LAMA3: variants seen among roughly 807,000 people sequenced by gnomAD.
LAMA3 encodes laminin subunit alpha-3.
Under a neutral mutation model 402.0 loss-of-function variants are expected in LAMA3, and 281 were observed. The observed-to-expected ratio is 0.70, with a 90% CI of 0.63 to 0.77. LAMA3 has a LOEUF of 0.77. Among genes scored for constraint, LAMA3 ranks in the 30% least tolerant of loss-of-function variants. The probability of loss-of-function intolerance (pLI) is 0.00; values close to 1 mark genes in which losing one functional copy is unlikely to be tolerated. For synonymous variants in LAMA3, 1,431 were observed against 1,558.4 expected (o/e 0.92, Z 1.93); for missense variants, 3,840 against 4,215.5 (o/e 0.91, Z 2.47).
chr18:23,739,629 G>A (rs2061530623), intron 2 of LAMA3, among the ~76,000 whole-genome samples: 1 of 152,190 alleles, frequency 6.6e-6, no homozygotes, highest in Non-Finnish European at 1.5e-5. Context: ...GAACCATTAT[G>A]AGTGCAGACC....
chr18:23,932,661 T>G (rs1222829780), intron 66 of LAMA3: 2 of 253,322 alleles, frequency 7.9e-6, no homozygotes, highest in Admixed American at 4.9e-5. Flanking sequence ...CATGGACCAG[T>G]GCTGTGCTAG....
At chr18:23,700,377 T>C (rs1008196416) in intron 1 of LAMA3, among the ~76,000 whole-genome samples, 1 of 152,154 alleles carries the variant, frequency 6.6e-6, no homozygotes, top group East Asian at 1.9e-4. Flanking sequence ...GAGGATTGCA[T>C]GGAAACCGTT....
rs1269777917 is a variant in LAMA3, at chr18:23,873,064, G to A, written c.4998+1403G>A. The A allele has an allele frequency of 1.5e-5, 24 of 1,614,088 alleles. No individual in the cohort carries two copies. Among genetic ancestry groups the A allele is most frequent in the East Asian group, 4.5e-5 (2 of 44,894 alleles). On this transcript the variant is annotated intron_variant, in intron 38 of 74. Coordinates refer to ENST00000313654, the MANE Select transcript of LAMA3 (RefSeq NM_198129.4). ...ACCGGGATGCCTCCAGCAGTGAGGC[G>A]GTCAGCCTGCAGCATGGGATGGCTG...
chr18:23,868,802 G>C (rs1020549079), intron 37 of LAMA3, among the ~76,000 whole-genome samples: 2 of 152,144 alleles, frequency 1.3e-5, no homozygotes, highest in African/African-American at 2.4e-5. Context: ...ATAAAGGAAA[G>C]CTCATCAGAT....
intron 2 of LAMA3, among the ~76,000 whole-genome samples, chr18:23,728,990 C>T (rs1320448338): frequency 4.8e-5 from 7 of 144,582 alleles, no homozygotes; most frequent in East Asian, 2.0e-4. Flanking sequence ...GAGATCGTAC[C>T]GCTGTACTCC....
chr18:23,857,729 C>A (rs2064116686), intron 32 of LAMA3, 115 bp from the exon 33 acceptor site: 2 of 1,276,828 alleles, frequency 1.6e-6, no homozygotes, highest in East Asian at 4.6e-5. Flanking sequence ...TATAAGCAGG[C>A]ATTGTATCTA....
chr18:23,873,249 G>A (rs749672092), intron 38 of LAMA3: 6 of 1,563,060 alleles, frequency 3.8e-6, no homozygotes, highest in Non-Finnish European at 2.6e-6. Flanking sequence ...TTGTGATAGG[G>A]AAGAGTTTCC....
intron 12 of LAMA3, among the ~76,000 whole-genome samples, chr18:23,794,007 T>C (rs1049021229): frequency 6.6e-6 from 1 of 152,216 alleles, no homozygotes; most frequent in African/African-American, 2.4e-5. Context: ...GTTGCAAAGA[T>C]ACAGATGAAG....
At position 23,689,676 on chromosome 18, in the gene LAMA3, G is replaced by A. The variant is rs929899546; in HGVS notation, c.-8G>A. The A allele has an allele frequency of 8.7e-5, 114 of 1,311,630 alleles. No homozygotes were observed. Among genetic ancestry groups the A allele is most frequent in the Non-Finnish European group, 1.1e-4 (111 of 1,036,652 alleles). 81.2% of individuals were successfully genotyped at this position (1,311,630 alleles called of 1,614,324 possible). ...GACGGCTCAGGCGGGAGGACCCCGC[G>A]CGGCTGGATGGCGGCGGCCGCGCGG... On this transcript the variant is annotated 5_prime_UTR_variant, in exon 1 of 75. Transcript: ENST00000313654.
intron 70 of LAMA3, among the ~76,000 whole-genome samples, chr18:23,949,115 C>T (rs2082814862): frequency 6.6e-6 from 1 of 152,136 alleles, no homozygotes; most frequent in Non-Finnish European, 1.5e-5. Flanking sequence ...GAGAGGAGTC[C>T]CCTGTTCCAG....
rs963147681 is a variant in LAMA3 at position 23,722,440 on chromosome 18, G to A, written c.447+8368G>A. ...GCTTAAAAGTCCCAGAATATACTGT[G>A]TCCTCCACTAAGATGGAATTAAATG... is the stretch of plus-strand genomic sequence containing the variant. On this transcript the variant is annotated intron_variant, in intron 2 of 74. Transcript: ENST00000313654. Among the ~76,000 whole-genome samples, 4 of 152,144 alleles carry A rather than the reference G, an allele frequency of 2.6e-5. 1 individual carries two copies. The highest frequency in any genetic ancestry group is 5.9e-5 in the Non-Finnish European group (4 of 68,012).
intron 63 of LAMA3, 107 bp downstream of exon 63, chr18:23,928,347 A>G (rs980036064): frequency 3.8e-6 from 3 of 787,252 alleles, no homozygotes; most frequent in South Asian, 1.4e-5. Context: ...ACACAGTGTT[A>G]CAGTGAACTG....
intron 32 of LAMA3, among the ~76,000 whole-genome samples, chr18:23,853,437 C>T (rs1277141283): frequency 1.3e-5 from 2 of 152,154 alleles, no homozygotes; most frequent in African/African-American, 4.8e-5. Context: ...CCACACCCGG[C>T]TAATTTTGTA....
At position 23,815,578 on chromosome 18, in the gene LAMA3, A is replaced by G. The variant is rs1266615977; in HGVS notation, c.2047+5A>G. The G allele has an allele frequency of 2.5e-6, 4 of 1,585,946 alleles. No individual in the cohort carries two copies. In the South Asian group the frequency reaches 4.4e-5, roughly 18 times the overall value. On this transcript the variant is annotated splice_donor_5th_base_variant and intron_variant, in intron 17 of 74. Transcript: ENST00000313654. ...GCAATTACTTTGGGTGTCAAGGTAA[A>G]TAAGTCCATTGGGCCCTGAGCAAAG... is the stretch of plus-strand genomic sequence containing the variant.
At chr18:23,820,463 G>T (rs930070304) in intron 19 of LAMA3, among the ~76,000 whole-genome samples, 1 of 152,086 alleles carries the variant, frequency 6.6e-6, no homozygotes, top group African/African-American at 2.4e-5. Context: ...TGCTATGTAC[G>T]TGGAAACTAA....
At chr18:23,813,553 C>CTTTTTTTTTTTTTTTTTTTTTTTTTTTTT (rs1164123647) in intron 14 of LAMA3, among the ~76,000 whole-genome samples, 19 of 115,006 alleles carry the variant, frequency 1.7e-4, no homozygotes, top group East Asian at 5.5e-4. Flanking sequence ...TCTTTTCTTT[C>CTTTTTTTTTTTTTTTTTTTTTTTTTTTTT]TTTTTTTTTT....
intron 21 of LAMA3, 83 bp downstream of exon 21, chr18:23,824,648 C>A: frequency 6.9e-7 from 1 of 1,445,430 alleles, no homozygotes; most frequent in South Asian, 1.1e-5. Context: ...CAATCCACAG[C>A]GACCATAAAA....
chr18:23,762,705 A>G (rs2061994424), intron 7 of LAMA3, among the ~76,000 whole-genome samples: 1 of 151,774 alleles, frequency 6.6e-6, no homozygotes, highest in Non-Finnish European at 1.5e-5. Flanking sequence ...ATGATTATAT[A>G]TCTTTCTTTG....
At chr18:23,795,367 G>A (rs1022876594) in intron 12 of LAMA3, among the ~76,000 whole-genome samples, 2 of 152,032 alleles carry the variant, frequency 1.3e-5, no homozygotes, top group African/African-American at 4.8e-5. Context: ...AGATACTGAG[G>A]GTATCACTAT....
Sources: gnomAD v4.1 joint callset for allele counts (sites outside exome capture counted in the v4.1 genomes callset) on GRCh38, gnomAD v4.1.1 for gene constraint, MANE v1.5 for transcripts, NCBI Gene and HGNC (gene_info 2026-07-23, HGNC 2026-07-21) for gene names.